PRRC2C: variants seen among roughly 807,000 people sequenced by gnomAD.
PRRC2C encodes the protein proline rich coiled-coil 2C, also known as protein PRRC2C.
PRRC2C carries 72 observed loss-of-function variants against 317.2 expected under a neutral mutation model. The ratio of observed to expected loss-of-function variants is 0.23; its 90% CI spans 0.19 to 0.28. The LOEUF is 0.28. Ranked by LOEUF, PRRC2C falls within the 10% of genes least tolerant of loss-of-function variation. The pLI, the probability that PRRC2C is intolerant of heterozygous loss-of-function variation, is 1.00. For synonymous variants in PRRC2C, 1,296 were observed against 1,205.9 expected (o/e 1.07, Z -1.55); for missense variants, 3,074 against 3,459.7 (o/e 0.89, Z 2.80).
At chr1:171,561,784 A>G (rs1682763921) in intron 20 of PRRC2C, among the ~76,000 whole-genome samples, 1 of 152,228 alleles carries the variant, frequency 6.6e-6, no homozygotes, top group Non-Finnish European at 1.5e-5. Context: ...GAAACTGTTT[A>G]TAGCAGATAG....
intron 18 of PRRC2C, among the ~76,000 whole-genome samples, chr1:171,554,887 G>A (rs560712581): frequency 3.9e-5 from 6 of 152,106 alleles, no homozygotes; most frequent in African/African-American, 7.2e-5. Flanking sequence ...CTCTGGCTGC[G>A]CTTAATATTT....
rs1420487149 is a variant in PRRC2C, at chr1:171,507,948, G to C, written c.-57-4084G>C. ...GTTTTCTTGATTTCCTTTTCATCTA[G>C]GTTGTTATTTGTGAAAAGAAATGCA... On this transcript the variant is annotated intron_variant, in intron 1 of 34. Transcript: ENST00000647382. Among the ~76,000 whole-genome samples the C allele has an allele frequency of 2.0e-5, 3 of 151,998 alleles. No homozygotes were observed. In the East Asian group the frequency reaches 5.8e-4, roughly 29 times the overall value.
chr1:171,557,834 C>G lies in PRRC2C; in HGVS notation c.5722C>G (p.Pro1908Ala). 6.5e-7 allele frequency: 1 copy of G among 1,547,820 alleles called. No individual in the cohort carries two copies. ...SAPTASVPLA[P>A]ASASAPAPAP... is the part of the protein sequence containing the mutation. ...CCCAACTGCCTCAGTCCCACTTGCC[C>G]CTGCCTCAGCTTCAGCCCCAGCCCC... The change falls in exon 19 of 35, where the codon CCT becomes GCT. Residue 1908 changes from proline to alanine, a missense_variant. By Grantham distance (27) the Pro-to-Ala change is conservative (BLOSUM62 -1). Transcript: ENST00000647382.
At chr1:171,585,402 A>G (rs1649645459) in intron 30 of PRRC2C, among the ~76,000 whole-genome samples, 1 of 151,802 alleles carries the variant, frequency 6.6e-6, no homozygotes, top group East Asian at 1.9e-4. Flanking sequence ...ACTATCTCTA[A>G]TAATTTCATT....
intron 14 of PRRC2C, 77 bp from the exon 15 acceptor site, chr1:171,537,186 A>G (rs1676990254): frequency 8.8e-7 from 1 of 1,131,150 alleles, no homozygotes; most frequent in African/African-American, 1.6e-5. Flanking sequence ...AATAACCTGT[A>G]TTCTATGTCT....
intron 30 of PRRC2C, among the ~76,000 whole-genome samples, chr1:171,586,182 C>A (rs1021285503): frequency 6.8e-6 from 1 of 147,648 alleles, no homozygotes; most frequent in African/African-American, 2.5e-5. Context: ...CGTGCCTCAG[C>A]CTCCCAAGTA....
At chr1:171,566,887 T>C (rs771239068) in intron 22 of PRRC2C, 44 bp downstream of exon 22, 2 of 1,552,068 alleles carry the variant, frequency 1.3e-6, no homozygotes, top group South Asian at 2.5e-5. Flanking sequence ...ATGCAAGCCA[T>C]GTCTAAAATG....
intron 23 of PRRC2C, among the ~76,000 whole-genome samples, chr1:171,570,417 T>C (rs910954195): frequency 6.6e-6 from 1 of 152,200 alleles, no homozygotes; most frequent in Non-Finnish European, 1.5e-5. Context: ...ATCTTGTATC[T>C]TGAATGTCTT....
chr1:171,512,315 A>C (rs565223992), intron 2 of PRRC2C, 115 bp downstream of exon 2: 1 of 771,326 alleles, frequency 1.3e-6, no homozygotes, highest in African/African-American at 1.7e-5. Flanking sequence ...TGCTATTTAC[A>C]TTTGCGTTTT....
chr1:171,545,215 G>A (rs1006954759), intron 16 of PRRC2C, among the ~76,000 whole-genome samples: 3 of 152,122 alleles, frequency 2.0e-5, no homozygotes, highest in Non-Finnish European at 4.4e-5. Context: ...TAGACAAATA[G>A]ACTCTAAGAA....
intron 28 of PRRC2C, 131 bp downstream of exon 28, chr1:171,580,095 T>C (rs370974234): frequency 1.4e-6 from 1 of 707,384 alleles, no homozygotes; most frequent in Non-Finnish European, 2.0e-6. Context: ...CATTGGCTAA[T>C]TGAGCATGTT....
rs199687647 is a variant in PRRC2C at position 171,546,593 on chromosome 1, A to ATTTG, written c.4972+926_4972+929dup. On this transcript the variant is annotated intron_variant, in intron 17 of 34. Coordinates refer to ENST00000647382, the MANE Select transcript of PRRC2C (RefSeq NM_001387844.1). ...AATTTGTGAGCAATGCAAATTCTTCATTTGTTTGTTTGTTTGTTTGTTTTG... is the reference window on the plus strand; with the variant it reads ...AATTTGTGAGCAATGCAAATTCTTCATTTGTTTGTTTGTTTGTTTGTTTGTTTTG... Among the ~76,000 whole-genome samples the ATTTG allele has an allele frequency of 3.9e-3, 586 of 152,000 alleles. 3 individuals carry two copies. Among genetic ancestry groups the ATTTG allele is most frequent in the African/African-American group, 0.013 (528 of 41,464 alleles).
At chr1:171,496,526 C>CA in intron 1 of PRRC2C, among the ~76,000 whole-genome samples, 1 of 151,920 alleles carries the variant, frequency 6.6e-6, no homozygotes. Flanking sequence ...TTACAAGTTA[C>CA]AAAAATAATA....
At chr1:171,572,770 T>G (rs1316128381) in intron 24 of PRRC2C, among the ~76,000 whole-genome samples, 2 of 152,238 alleles carry the variant, frequency 1.3e-5, no homozygotes, top group African/African-American at 2.4e-5. Context: ...ATGTCATCTT[T>G]AATTATTTTT....
intron 7 of PRRC2C, among the ~76,000 whole-genome samples, chr1:171,522,867 C>CTT (rs74861803): frequency 4.2e-4 from 60 of 141,264 alleles, no homozygotes; most frequent in South Asian, 2.2e-3. Flanking sequence ...CATTTTCTTT[C>CTT]TTTTTTTTTT....
chr1:171,565,800 C>T (rs895563945), intron 20 of PRRC2C, among the ~76,000 whole-genome samples: 2 of 152,178 alleles, frequency 1.3e-5, no homozygotes, highest in Non-Finnish European at 2.9e-5. Context: ...TCTATGTTAC[C>T]AATCACAAAG....
intron 11 of PRRC2C, 30 bp from the exon 12 acceptor site, chr1:171,532,313 C>CAT (rs1242568601): frequency 6.3e-7 from 1 of 1,578,028 alleles, no homozygotes; most frequent in Non-Finnish European, 8.6e-7. Context: ...ATAGAGTTGT[C>CAT]ATAACTCATC....
At chr1:171,569,466 GGAGT>G (rs1021025802) in intron 23 of PRRC2C, among the ~76,000 whole-genome samples, 2 of 150,438 alleles carry the variant, frequency 1.3e-5, no homozygotes, top group Non-Finnish European at 3.0e-5. Context: ...GGAATAGAAA[GGAGT>G]GAGTCACATA....
chr1:171,530,196 C>T (rs534797649), intron 11 of PRRC2C, among the ~76,000 whole-genome samples: 71 of 141,608 alleles, frequency 5.0e-4, no homozygotes, highest in Non-Finnish European at 8.8e-4. Context: ...AGATATGTTA[C>T]AGAAAAAAAT....
Sources: gnomAD v4.1 joint callset for allele counts (sites outside exome capture counted in the v4.1 genomes callset) on GRCh38, gnomAD v4.1.1 for gene constraint, MANE v1.5 for transcripts, NCBI Gene and HGNC (gene_info 2026-07-23, HGNC 2026-07-21) for gene names.